Variants in OR1J2 observed in about 807,000 individuals in gnomAD.
The protein encoded by OR1J2 is olfactory receptor 1J2.
For synonymous variants in OR1J2, 142 were observed against 99.7 expected (o/e 1.42, Z -2.52); for missense variants, 304 against 246.1 (o/e 1.24, Z -1.57).
the OR1J2 span, among the ~76,000 whole-genome samples, chr9:122,569,465 G>A: frequency 1.3e-5 from 1 of 76,414 alleles, no homozygotes; most frequent in African/African-American, 5.2e-5. Flanking sequence ...GAGAATTTTT[G>A]TATCAGCAAA....
At chr9:122,525,013 G>A in the OR1J2 span, among the ~76,000 whole-genome samples, 7 of 152,296 alleles carry the variant, frequency 4.6e-5, no homozygotes, top group Admixed American at 2.6e-4. Flanking sequence ...TCAGTGGAGC[G>A]ATAGATGTCA....
the OR1J2 span, among the ~76,000 whole-genome samples, chr9:122,534,663 A>T: frequency 6.6e-6 from 1 of 152,018 alleles, no homozygotes; most frequent in Non-Finnish European, 1.5e-5. Flanking sequence ...CGGCCTGGCG[A>T]GGAGGGGAGA....
the OR1J2 span, chr9:122,519,335 C>T: frequency 6.2e-7 from 1 of 1,614,178 alleles, no homozygotes; most frequent in South Asian, 1.1e-5. Flanking sequence ...TCCTCAGCCA[C>T]TTGGCTCTCA....
the OR1J2 span, chr9:122,567,266 C>A: frequency 3.6e-6 from 1 of 279,760 alleles, no homozygotes; most frequent in Non-Finnish European, 6.6e-6. Context: ...AGGAAATATT[C>A]ATGGGGAAAG....
the OR1J2 span, among the ~76,000 whole-genome samples, chr9:122,551,882 C>T: frequency 6.6e-6 from 1 of 152,096 alleles, no homozygotes; most frequent in African/African-American, 2.4e-5. Context: ...AAACTCTGGA[C>T]TCAATAGACC....
chr9:122,461,711 GTAT>G, the OR1J2 span, among the ~76,000 whole-genome samples: 7 of 152,094 alleles, frequency 4.6e-5, no homozygotes, highest in Non-Finnish European at 8.8e-5. Context: ...TAATTACCAT[GTAT>G]TTGCATGGTT....
chr9:122,554,575 A>G, the OR1J2 span, among the ~76,000 whole-genome samples: 15 of 152,330 alleles, frequency 9.8e-5, no homozygotes, highest in African/African-American at 3.4e-4. Context: ...TCCTTACATC[A>G]GTTACTTTAG....
At chr9:122,519,787 T>C in the OR1J2 span, 1 of 1,614,174 alleles carries the variant, frequency 6.2e-7, no homozygotes, top group Non-Finnish European at 8.5e-7. Flanking sequence ...TGCATCTTGA[T>C]CTCTTATGGC....
At chr9:122,544,038 T>C in the OR1J2 span, among the ~76,000 whole-genome samples, 2 of 152,346 alleles carry the variant, frequency 1.3e-5, no homozygotes, top group African/African-American at 4.8e-5. Context: ...TTCCTTTTTG[T>C]TTACTGTCTG....
chr9:122,516,326 C>G (rs1218719578), downstream of OR1J2, among the ~76,000 whole-genome samples: 1 of 100,220 alleles, frequency 1.0e-5, no homozygotes, highest in Non-Finnish European at 1.8e-5. Context: ...TTTTTTGAGA[C>G]GGAGTCTCGC....
At chr9:122,459,095 C>T in the OR1J2 span, among the ~76,000 whole-genome samples, 1 of 152,248 alleles carries the variant, frequency 6.6e-6, no homozygotes, top group Non-Finnish European at 1.5e-5. Flanking sequence ...TCACTTAACA[C>T]AATATCCTCC....
the OR1J2 span, among the ~76,000 whole-genome samples, chr9:122,490,108 C>T: frequency 1.3e-5 from 2 of 152,180 alleles, no homozygotes; most frequent in Non-Finnish European, 2.9e-5. Flanking sequence ...GCTTTTTCTA[C>T]ATGTAAGCTT....
chr9:122,555,637 T>C, the OR1J2 span, among the ~76,000 whole-genome samples: 1 of 152,232 alleles, frequency 6.6e-6, no homozygotes, highest in African/African-American at 2.4e-5. Context: ...AATTGGCTCA[T>C]GCAGTTGTAG....
the OR1J2 span, among the ~76,000 whole-genome samples, chr9:122,490,085 AC>A: frequency 1.3e-5 from 2 of 152,222 alleles, no homozygotes; most frequent in Non-Finnish European, 2.9e-5. Context: ...GTCCAGTGCT[AC>A]TATCATTAAG....
the OR1J2 span, among the ~76,000 whole-genome samples, chr9:122,536,869 A>G: frequency 6.6e-6 from 1 of 152,142 alleles, no homozygotes; most frequent in Non-Finnish European, 1.5e-5. Context: ...GTTGGTTGTT[A>G]AGTATGTGGC....
chr9:122,526,777 C>T, the OR1J2 span: 7 of 1,613,914 alleles, frequency 4.3e-6, no homozygotes, highest in African/African-American at 5.3e-5. Context: ...AAAAAGTGAG[C>T]AATTTCCCCA....
chr9:122,557,595 G>T, the OR1J2 span, among the ~76,000 whole-genome samples: 2 of 151,944 alleles, frequency 1.3e-5, no homozygotes, highest in Non-Finnish European at 2.9e-5. Context: ...GTACATTCTT[G>T]GATTCTATTT....
the OR1J2 span, among the ~76,000 whole-genome samples, chr9:122,458,222 C>G: frequency 6.6e-6 from 1 of 152,046 alleles, no homozygotes; most frequent in Non-Finnish European, 1.5e-5. Flanking sequence ...ATTCCCTTGT[C>G]TTTTGGATTC....
chr9:122,548,915 G>A, the OR1J2 span, among the ~76,000 whole-genome samples: 1 of 151,904 alleles, frequency 6.6e-6, no homozygotes, highest in East Asian at 1.9e-4. Context: ...CCATTCTTCA[G>A]GTGGTTTGTT....
Sources: gnomAD v4.1 joint callset for allele counts (sites outside exome capture counted in the v4.1 genomes callset) on GRCh38, gnomAD v4.1.1 for gene constraint, MANE v1.5 for transcripts, NCBI Gene and HGNC (gene_info 2026-07-23, HGNC 2026-07-21) for gene names.